Variants in RAB7A observed in about 807,000 individuals in gnomAD.
RAB7A encodes ras-related protein Rab-7a.
RAB7A carries 2 observed loss-of-function variants against 24.5 expected under a neutral mutation model. The observed-to-expected ratio is 0.08, with a 90% CI of 0.03 to 0.26. The LOEUF (loss-of-function observed/expected upper bound fraction) is 0.26, where lower values mean the gene tolerates loss of function less well. Ranked by LOEUF, RAB7A falls within the 10% of genes least tolerant of loss-of-function variation. The probability of loss-of-function intolerance (pLI) is 1.00; values close to 1 mark genes in which losing one functional copy is unlikely to be tolerated. For synonymous variants in RAB7A, 100 were observed against 95.9 expected (o/e 1.04, Z -0.25); for missense variants, 118 against 255.7 (o/e 0.46, Z 3.67).
chr3:128,760,050 G>T (rs1028276910), intron 1 of RAB7A, among the ~76,000 whole-genome samples: 3 of 152,110 alleles, frequency 2.0e-5, no homozygotes, highest in Admixed American at 2.0e-4. Context: ...GTCCTCAGGT[G>T]CCCAGATATG....
At chr3:128,791,233 C>G (rs1051327873) in intron 1 of RAB7A, among the ~76,000 whole-genome samples, 1 of 152,044 alleles carries the variant, frequency 6.6e-6, no homozygotes, top group African/African-American at 2.4e-5. Flanking sequence ...CCTCCGCCTC[C>G]TGAGTTCAAG....
chr3:128,747,791 C>T (rs148609064), intron 1 of RAB7A, among the ~76,000 whole-genome samples: 6,304 of 150,896 alleles, frequency 0.042, 193 homozygotes, highest in Non-Finnish European at 0.058. Context: ...TTTTTTGAGA[C>T]GAGTCTCACT....
chr3:128,737,222 G>A (rs1285355981), intron 1 of RAB7A, among the ~76,000 whole-genome samples: 1 of 151,754 alleles, frequency 6.6e-6, no homozygotes, highest in African/African-American at 2.4e-5. Context: ...TGTATATTTA[G>A]TAGAGACGGG....
chr3:128,735,229 T>C (rs1245269654), intron 1 of RAB7A, among the ~76,000 whole-genome samples: 1 of 152,166 alleles, frequency 6.6e-6, no homozygotes, highest in Non-Finnish European at 1.5e-5. Flanking sequence ...TTAAATAAAT[T>C]GGTAGGCAGG....
At chr3:128,744,928 T>G (rs993150201) in intron 1 of RAB7A, among the ~76,000 whole-genome samples, 1 of 150,992 alleles carries the variant, frequency 6.6e-6, no homozygotes, top group Non-Finnish European at 1.5e-5. Context: ...GGCTGGAGTT[T>G]AGTGGTGCGA....
At chr3:128,790,405 G>T (rs59241698) in intron 1 of RAB7A, among the ~76,000 whole-genome samples, 33,007 of 152,148 alleles carry the variant, frequency 0.22, 5,111 homozygotes, top group African/African-American at 0.43. Flanking sequence ...GGCTGTTTGA[G>T]TGTAAAGGTA....
chr3:128,789,641 T>C (rs2107608472), intron 1 of RAB7A, among the ~76,000 whole-genome samples: 1 of 152,202 alleles, frequency 6.6e-6, no homozygotes, highest in South Asian at 2.1e-4. Flanking sequence ...GCCATAGGCT[T>C]TTAAAAAATA....
chr3:128,726,850 T>C (rs1438078849), intron 1 of RAB7A, among the ~76,000 whole-genome samples: 5 of 152,228 alleles, frequency 3.3e-5, no homozygotes, highest in Admixed American at 2.6e-4. Flanking sequence ...GGGAGTTCCC[T>C]GACGGCAACT....
chr3:128,785,747 A>G (rs1027700837), intron 1 of RAB7A, among the ~76,000 whole-genome samples: 4 of 79,864 alleles, frequency 5.0e-5, no homozygotes, highest in Non-Finnish European at 7.6e-5. Flanking sequence ...AGACTGTCTC[A>G]AAAAAAAAAA....
chr3:128,773,752 C>A (rs886614055), intron 1 of RAB7A, among the ~76,000 whole-genome samples: 4 of 152,170 alleles, frequency 2.6e-5, no homozygotes, highest in Admixed American at 2.6e-4. Context: ...ATTCTTCTGC[C>A]TTGGGATGCT....
intron 1 of RAB7A, among the ~76,000 whole-genome samples, chr3:128,741,483 C>T (rs1051407782): frequency 3.3e-5 from 5 of 152,110 alleles, no homozygotes; most frequent in African/African-American, 1.2e-4. Flanking sequence ...TTCTCTTTGA[C>T]TAGAAATTTT....
At chr3:128,783,284 A>C (rs1933261482) in intron 1 of RAB7A, among the ~76,000 whole-genome samples, 1 of 147,728 alleles carries the variant, frequency 6.8e-6, no homozygotes, top group African/African-American at 2.5e-5. Flanking sequence ...GATGAGAGGC[A>C]GAGACCCAGG....
chr3:128,795,905 C>G (rs1335656902), intron 2 of RAB7A, among the ~76,000 whole-genome samples: 2 of 151,692 alleles, frequency 1.3e-5, no homozygotes, highest in African/African-American at 2.4e-5. Context: ...GCGCCCGCCA[C>G]CACGCCCGGC....
chr3:128,764,856 T>C, intron 1 of RAB7A: 1 of 1,159,182 alleles, frequency 8.6e-7, no homozygotes, highest in Non-Finnish European at 1.3e-6. Flanking sequence ...GAAGAAAGTA[T>C]GTGGCAAAGT....
chr3:128,737,825 G>GTTTTTTTTTTTTTTTTTTTTTTT (rs56027163), intron 1 of RAB7A, among the ~76,000 whole-genome samples: 2 of 59,482 alleles, frequency 3.4e-5, no homozygotes, highest in Non-Finnish European at 6.0e-5. Context: ...TTTTTTTGTA[G>GTTTTTTTTTTTTTTTTTTTTTTT]TTTTTTTTTT....
At chr3:128,765,194 G>T (rs1312621516) in intron 1 of RAB7A, among the ~76,000 whole-genome samples, 1 of 152,164 alleles carries the variant, frequency 6.6e-6, no homozygotes. Context: ...AGGAAACCCC[G>T]ACGACTCTCG....
chr3:128,733,043 A>G (rs1040807825), intron 1 of RAB7A, among the ~76,000 whole-genome samples: 1 of 152,234 alleles, frequency 6.6e-6, no homozygotes, highest in Non-Finnish European at 1.5e-5. Flanking sequence ...TTTATTTGCC[A>G]TGGTAACACT....
intron 2 of RAB7A, among the ~76,000 whole-genome samples, chr3:128,797,077 T>C (rs952550984): frequency 6.6e-6 from 1 of 152,212 alleles, no homozygotes; most frequent in African/African-American, 2.4e-5. Context: ...GATGGAAAGA[T>C]AGTGCTTTTA....
chr3:128,789,291 A>G (rs1933404133), intron 1 of RAB7A, among the ~76,000 whole-genome samples: 1 of 150,038 alleles, frequency 6.7e-6, no homozygotes, highest in Non-Finnish European at 1.5e-5. Flanking sequence ...TGCTTTAGAG[A>G]ACTGTTTTCC....
Sources: gnomAD v4.1 joint callset for allele counts (sites outside exome capture counted in the v4.1 genomes callset) on GRCh38, gnomAD v4.1.1 for gene constraint, MANE v1.5 for transcripts, NCBI Gene and HGNC (gene_info 2026-07-23, HGNC 2026-07-21) for gene names.